The following NDRG1 variants were observed in gnomAD, a reference collection of about 807,000 sequenced individuals.
NDRG1 encodes the protein N-myc downstream regulated 1.
In NDRG1, 32 loss-of-function variants were observed where a neutral mutation model predicts 56.9. The observed-to-expected ratio is 0.56, with a 90% confidence interval of 0.42 to 0.76. The LOEUF (loss-of-function observed/expected upper bound fraction) is 0.76. Among genes scored for constraint, NDRG1 ranks in the 30% least tolerant of loss-of-function variants. The pLI is 0.00. For synonymous variants in NDRG1, 211 were observed against 204.1 expected, an observed-to-expected ratio of 1.03 and a Z score of -0.29; for missense variants, 507 against 545.7, an observed-to-expected ratio of 0.93 and a Z score of 0.71.
intron 2 of NDRG1, among the ~76,000 whole-genome samples, chr8:133,282,733 T>C (rs1022731746): frequency 6.6e-6 from 1 of 152,264 alleles, no homozygotes; most frequent in Admixed American, 6.5e-5. Flanking sequence ...CTATGGTTGC[T>C]TTCTTGCTAT....
chr8:133,278,767 C>T (rs1215190105), intron 3 of NDRG1, among the ~76,000 whole-genome samples: 1 of 152,150 alleles, frequency 6.6e-6, no homozygotes, highest in Non-Finnish European at 1.5e-5. Context: ...TTAAAACCTA[C>T]ACAAGCAGCA....
intron 5 of NDRG1, among the ~76,000 whole-genome samples, chr8:133,260,289 G>C (rs1856596999): frequency 1.3e-5 from 2 of 152,162 alleles, no homozygotes; most frequent in Non-Finnish European, 2.9e-5. Flanking sequence ...CTGCTCTGCT[G>C]TCTCGGCTTC....
At chr8:133,272,424 ACT>A (rs1171437894) in intron 3 of NDRG1, among the ~76,000 whole-genome samples, 1 of 152,188 alleles carries the variant, frequency 6.6e-6, no homozygotes, top group Admixed American at 6.5e-5. Flanking sequence ...GATGCTCCCC[ACT>A]GTTTCACAGA....
chr8:133,290,560 G>T (rs918730963), intron 1 of NDRG1, among the ~76,000 whole-genome samples: 1 of 152,128 alleles, frequency 6.6e-6, no homozygotes, highest in Non-Finnish European at 1.5e-5. Flanking sequence ...ATCTCACATT[G>T]CCCTAAATAT....
chr8:133,252,434 G>A (rs1047870662), intron 9 of NDRG1, among the ~76,000 whole-genome samples: 1 of 152,146 alleles, frequency 6.6e-6, no homozygotes, highest in African/African-American at 2.4e-5. Flanking sequence ...GTGGTAATTT[G>A]TTACAGAAGC....
rs1484483533 is a variant in NDRG1 at position 133,250,688 on chromosome 8, AC to A, written c.595-146del. The A allele has an allele frequency of 6.6e-6, 5 of 756,114 alleles. No individual in the cohort carries two copies. In the East Asian group the frequency reaches 1.1e-4, roughly 17 times the overall value. The allele number at this position is 756,114 out of a possible 1,614,324, so 46.8% of individuals were successfully genotyped here. On this transcript the variant is annotated intron_variant, in intron 9 of 15. Coordinates refer to ENST00000323851, the MANE Select transcript of NDRG1 (RefSeq NM_006096.4). ...AGACAGCGACGGACCTAAAAAAAAA[AC>A]CTTTGGGAAAGCAACACGCCCAACC...
At chr8:133,293,253 G>C (rs973794425) in intron 1 of NDRG1, among the ~76,000 whole-genome samples, 2 of 152,204 alleles carry the variant, frequency 1.3e-5, no homozygotes, top group Non-Finnish European at 2.9e-5. Context: ...CTATCTCCAA[G>C]TTGAAAGATA....
At chr8:133,278,040 C>T (rs769638899) in intron 3 of NDRG1, among the ~76,000 whole-genome samples, 6 of 152,150 alleles carry the variant, frequency 3.9e-5, no homozygotes, top group Non-Finnish European at 7.4e-5. Flanking sequence ...GCCAGCAAGC[C>T]GCTCCCCTGG....
intron 3 of NDRG1, among the ~76,000 whole-genome samples, chr8:133,275,532 G>A (rs1182658980): frequency 6.6e-6 from 1 of 151,922 alleles, no homozygotes; most frequent in African/African-American, 2.4e-5. Context: ...CTATCTTTTA[G>A]ACTTCAGTGC....
intron 1 of NDRG1, chr8:133,296,467 C>T: frequency 2.2e-6 from 1 of 456,110 alleles, no homozygotes; most frequent in Non-Finnish European, 4.4e-6. Flanking sequence ...CTGTGACACA[C>T]CCTGGACCCT....
At chr8:133,263,315 A>C (rs1415321872) in intron 4 of NDRG1, among the ~76,000 whole-genome samples, 2 of 152,346 alleles carry the variant, frequency 1.3e-5, no homozygotes, top group Non-Finnish European at 2.9e-5. Context: ...ATAAGGTATT[A>C]ATAAGCTTTA....
chr8:133,241,688 T>C (rs1031975944), intron 15 of NDRG1, among the ~76,000 whole-genome samples: 2 of 152,248 alleles, frequency 1.3e-5, no homozygotes, highest in Non-Finnish European at 2.9e-5. Flanking sequence ...TAGTGGTCTC[T>C]TAAAACTTGT....
rs561506934 is a variant in NDRG1 at position 133,237,683 on chromosome 8, C to A, written c.*1195G>T. On this transcript the variant is annotated 3_prime_UTR_variant, in exon 16 of 16. Coordinates refer to ENST00000323851, the MANE Select transcript of NDRG1 (RefSeq NM_006096.4). The stretch of plus-strand genomic sequence containing the variant: ...ACATTTTCTCAGCCACCGCTCCCCA[C>A]GTGAGTTCCCACCCCCACCCCGACA... 18 of 233,086 alleles carry A rather than the reference C, an allele frequency of 7.7e-5. No individual in the cohort carries two copies. In the South Asian group the frequency reaches 2.7e-3, roughly 35 times the overall value. 14.4% of individuals were successfully genotyped at this position (233,086 alleles called of 1,614,324 possible). A position where few individuals can be genotyped will look rare whatever the true frequency, so the allele number is the denominator to read the frequency against.
intron 9 of NDRG1, among the ~76,000 whole-genome samples, chr8:133,250,880 T>C (rs1855982739): frequency 6.7e-6 from 1 of 148,924 alleles, no homozygotes. Context: ...TAGGCAAATC[T>C]TTCAACCTCT....
At position 133,284,296 on chromosome 8, in the gene NDRG1, G is replaced by A. The variant is rs1048918488; in HGVS notation, c.16C>T (p.Gln6Ter). 9.9e-6 allele frequency: 16 copies of A among 1,613,992 alleles called. No homozygotes were observed. Among genetic ancestry groups the A allele is most frequent in the Non-Finnish European group, 1.4e-5 (16 of 1,180,040 alleles). ...TTCACCTCAGCGAGGTCTACATCCT[G>A]CATCTCCCGAGACATGTCCCTGCTG... MSREM[Q>*]DVDLAEVKPL... is the part of the protein sequence containing the mutation. The change falls in exon 2 of 16, where the codon CAG becomes TAG. Residue 6 changes from glutamine (Q) to a stop codon, truncating the protein, a stop_gained. Transcript: ENST00000323851. LOFTEE classifies it high-confidence loss of function.
rs374341330 is a variant in NDRG1, at chr8:133,293,993, C to G, written c.-19+3141G>C. Among the ~76,000 whole-genome samples, 7 of 152,186 alleles carry G rather than the reference C, an allele frequency of 4.6e-5. No individual in the cohort carries two copies. In the East Asian group the frequency reaches 1.2e-3, roughly 25 times the overall value. On this transcript the variant is annotated intron_variant, in intron 1 of 15. Coordinates refer to ENST00000323851, the MANE Select transcript of NDRG1 (RefSeq NM_006096.4). ...GAATGTCTTCTGCGGGTGCTACTGA[C>G]GGCAAACACCTACACGCTGTTTTCC... is the stretch of plus-strand genomic sequence containing the variant.
At chr8:133,273,897 C>A (rs377450551) in intron 3 of NDRG1, among the ~76,000 whole-genome samples, 1 of 152,078 alleles carries the variant, frequency 6.6e-6, no homozygotes, top group Non-Finnish European at 1.5e-5. Flanking sequence ...CCAAAATACT[C>A]CCCCCCTCCC....
chr8:133,284,720 A>T, intron 1 of NDRG1: 1 of 461,668 alleles, frequency 2.2e-6, no homozygotes, highest in South Asian at 1.6e-5. Flanking sequence ...CCCCCGTGTG[A>T]CAATGAAAGG....
chr8:133,244,453 A>AT, intron 13 of NDRG1, 63 bp from the exon 14 acceptor site: 1 of 1,604,188 alleles, frequency 6.2e-7, no homozygotes, highest in Admixed American at 1.7e-5. Context: ...CGCTCTATGA[A>AT]TTTTTTCCGA....
Sources: gnomAD v4.1 joint callset for allele counts (sites outside exome capture counted in the v4.1 genomes callset) on GRCh38, gnomAD v4.1.1 for gene constraint, MANE v1.5 for transcripts, NCBI Gene and HGNC (gene_info 2026-07-23, HGNC 2026-07-21) for gene names.